The following DLG2 variants were observed in gnomAD, a reference collection of about 807,000 sequenced individuals.
DLG2 encodes disks large homolog 2.
Under a neutral mutation model 132.5 loss-of-function variants are expected in DLG2, and 45 were observed. The ratio of observed to expected loss-of-function variants is 0.34; its 90% confidence interval spans 0.27 to 0.44. DLG2 has a LOEUF of 0.44. Ranked by LOEUF, DLG2 falls within the 20% of genes least tolerant of loss-of-function variation. The pLI, the probability that DLG2 is intolerant of heterozygous loss-of-function variation, is 1.00. For synonymous variants in DLG2, 424 were observed against 419.6 expected, an observed-to-expected ratio of 1.01 and a Z score of -0.13; for missense variants, 1,045 against 1,196.9, an observed-to-expected ratio of 0.87 and a Z score of 1.87.
intron 12 of DLG2, among the ~76,000 whole-genome samples, chr11:83,966,527 C>T (rs1232050444): frequency 6.6e-6 from 1 of 151,886 alleles, no homozygotes; most frequent in East Asian, 1.9e-4. Flanking sequence ...GATAATCTCT[C>T]TAAAAAGACT....
chr11:83,675,982 G>A (rs556902111), intron 18 of DLG2, among the ~76,000 whole-genome samples: 1 of 152,166 alleles, frequency 6.6e-6, no homozygotes, highest in African/African-American at 2.4e-5. Flanking sequence ...CATTTCACAA[G>A]TTATAGATGG....
intron 19 of DLG2, among the ~76,000 whole-genome samples, chr11:83,553,666 G>C (rs1410599448): frequency 1.3e-5 from 2 of 152,038 alleles, no homozygotes; most frequent in Non-Finnish European, 2.9e-5. Context: ...ATTGCTGATA[G>C]CTGAAACACT....
chr11:83,608,620 T>C (rs1433679403), intron 19 of DLG2, among the ~76,000 whole-genome samples: 1 of 152,142 alleles, frequency 6.6e-6, no homozygotes, highest in Non-Finnish European at 1.5e-5. Flanking sequence ...TGTATCATTT[T>C]TGCACTATTG....
intron 18 of DLG2, chr11:83,651,740 G>A: frequency 4.6e-6 from 2 of 434,276 alleles, no homozygotes; most frequent in South Asian, 3.4e-5. Context: ...TTATAATGCT[G>A]TTTGGTTCTA....
chr11:85,166,065 T>C (rs1426890385), intron 4 of DLG2, among the ~76,000 whole-genome samples: 1 of 152,110 alleles, frequency 6.6e-6, no homozygotes, highest in Admixed American at 6.6e-5. Context: ...TTTTCTGACT[T>C]TCTATACTCC....
At chr11:83,982,195 G>A (rs1332389029) in intron 11 of DLG2, among the ~76,000 whole-genome samples, 1 of 151,928 alleles carries the variant, frequency 6.6e-6, no homozygotes, top group Non-Finnish European at 1.5e-5. Flanking sequence ...ACTACACTAT[G>A]CTTTTTATTG....
At chr11:83,906,637 G>A (rs963888189) in intron 15 of DLG2, among the ~76,000 whole-genome samples, 29 of 152,064 alleles carry the variant, frequency 1.9e-4, no homozygotes, top group Admixed American at 1.8e-3. Flanking sequence ...CACTTTATAT[G>A]TGCCACTTAA....
In DLG2 at chr11:83,472,629, C is replaced by T. The variant is rs565906082; in HGVS notation, c.2344+98G>A. On this transcript the variant is annotated intron_variant, in intron 23 of 27. Transcript: ENST00000376104. ...GTCTCAAGACAACAGAGCATTAAGC[C>T]GAGTTTATTCTCCTTAGTCCTTCAC... The T allele has an allele frequency of 9.7e-5, 101 of 1,037,886 alleles. 1 individual carries two copies. The highest frequency in any genetic ancestry group is 6.6e-4 in the East Asian group (27 of 41,166). 64.3% of individuals were successfully genotyped at this position (1,037,886 alleles called of 1,614,324 possible).
chr11:83,932,084 T>C (rs1011223411), intron 14 of DLG2, among the ~76,000 whole-genome samples: 6 of 152,196 alleles, frequency 3.9e-5, no homozygotes, highest in Admixed American at 1.3e-4. Context: ...GATGAGTAGA[T>C]GAAAGTATAC....
At chr11:83,941,304 A>G (rs2082603844) in intron 14 of DLG2, among the ~76,000 whole-genome samples, 2 of 134,188 alleles carry the variant, frequency 1.5e-5, no homozygotes, top group South Asian at 4.7e-4. Flanking sequence ...CAGCATATAC[A>G]TTTACTCTGT....
chr11:85,266,326 C>T (rs2077208892), intron 4 of DLG2, among the ~76,000 whole-genome samples: 1 of 152,234 alleles, frequency 6.6e-6, no homozygotes, highest in African/African-American at 2.4e-5. Context: ...AGTGCCAAAG[C>T]AGCCAGCCAT....
chr11:83,601,510 C>CCTTTTTTTT (rs2058538849), intron 19 of DLG2, among the ~76,000 whole-genome samples: 1 of 94,538 alleles, frequency 1.1e-5, no homozygotes, highest in Non-Finnish European at 1.9e-5. Context: ...ATGTGATGTT[C>CCTTTTTTTT]TTTTTTTTTT....
intron 6 of DLG2, among the ~76,000 whole-genome samples, chr11:84,658,925 G>A (rs1280781096): frequency 6.6e-6 from 1 of 152,156 alleles, no homozygotes; most frequent in Non-Finnish European, 1.5e-5. Flanking sequence ...CAGCATGTGA[G>A]ATTACATCAA....
intron 6 of DLG2, among the ~76,000 whole-genome samples, chr11:84,846,146 T>C (rs570311176): frequency 2.6e-5 from 4 of 152,258 alleles, no homozygotes; most frequent in African/African-American, 9.6e-5. Flanking sequence ...TTAAATATCA[T>C]ACATATTCTT....
At chr11:83,706,036 G>T (rs534643134) in intron 18 of DLG2, among the ~76,000 whole-genome samples, 22 of 152,082 alleles carry the variant, frequency 1.4e-4, no homozygotes, top group Non-Finnish European at 1.5e-4. Context: ...GGCCAACATG[G>T]TGAAACCCCG....
chr11:84,752,286 T>C lies in DLG2; in HGVS notation c.358-217555A>G, dbSNP rs146968376. On this transcript the variant is annotated intron_variant, in intron 6 of 27. Transcript: ENST00000376104. Reference sequence around the variant, plus strand: ...ATGGTTCTAGGTGCTGGGAATATAGTGGTAAAAAAGACAAAGTTCTGCTTT... The same window carrying C: ...ATGGTTCTAGGTGCTGGGAATATAGCGGTAAAAAAGACAAAGTTCTGCTTT... Among the ~76,000 whole-genome samples, 386 of 152,228 alleles carry C rather than the reference T, an allele frequency of 2.5e-3. 3 individuals are homozygous for C. Among genetic ancestry groups the C allele is most frequent in the Non-Finnish European group, 4.3e-3 (293 of 68,004 alleles).
intron 3 of DLG2, among the ~76,000 whole-genome samples, chr11:85,430,651 G>C (rs1565482637): frequency 6.6e-6 from 1 of 152,106 alleles, no homozygotes; most frequent in Non-Finnish European, 1.5e-5. Context: ...GCTCAGATTT[G>C]ACCTCATTTC....
At chr11:85,076,568 T>G (rs117522160) in intron 6 of DLG2, among the ~76,000 whole-genome samples, 3,791 of 152,030 alleles carry the variant, frequency 0.025, 85 homozygotes, top group Admixed American at 0.056. Flanking sequence ...GTAACTGCCT[T>G]GAAGCATCAG....
intron 6 of DLG2, among the ~76,000 whole-genome samples, chr11:85,089,799 A>G (rs1403875033): frequency 2.0e-5 from 3 of 152,200 alleles, no homozygotes; most frequent in African/African-American, 7.2e-5. Context: ...AAGATACACA[A>G]GCGGCCAACA....
Sources: gnomAD v4.1 joint callset for allele counts (sites outside exome capture counted in the v4.1 genomes callset) on GRCh38, gnomAD v4.1.1 for gene constraint, MANE v1.5 for transcripts, NCBI Gene and HGNC (gene_info 2026-07-23, HGNC 2026-07-21) for gene names.